ATP8A1: variants seen among roughly 807,000 people sequenced by gnomAD.
ATP8A1 encodes the protein ATPase phospholipid transporting 8A1.
In ATP8A1, 90 loss-of-function variants were observed where a neutral mutation model predicts 177.7. The ratio of observed to expected loss-of-function variants is 0.51; its 90% CI spans 0.43 to 0.60. The LOEUF is 0.60. Among genes scored for constraint, ATP8A1 ranks in the 20% least tolerant of loss-of-function variants. The pLI is 0.00. For synonymous variants in ATP8A1, 493 were observed against 485.9 expected, an observed-to-expected ratio of 1.01 and a Z score of -0.19; for missense variants, 1,072 against 1,392.8, an observed-to-expected ratio of 0.77 and a Z score of 3.67.
At chr4:42,555,239 A>C (rs1262845993) in intron 16 of ATP8A1, among the ~76,000 whole-genome samples, 1 of 151,276 alleles carries the variant, frequency 6.6e-6, no homozygotes, top group Non-Finnish European at 1.5e-5. Flanking sequence ...TAATACAGTC[A>C]GTAACTTCAT....
In ATP8A1 at chr4:42,540,161, G is replaced by A. The variant is rs546794940; in HGVS notation, c.1722+3756C>T. 2.0e-5 allele frequency among the ~76,000 whole-genome samples: 3 copies of A among 152,128 alleles called. No homozygotes were observed. The South Asian group carries it at 6.2e-4, about 32-fold the overall frequency. On this transcript the variant is annotated intron_variant, in intron 20 of 36. Coordinates refer to ENST00000381668, the MANE Select transcript of ATP8A1 (RefSeq NM_006095.2). ...ATTTCTCAAAAGAAGACATACAAAT[G>A]GTCAACAAGTATATGAAAAAAATGC...
At chr4:42,475,273 C>A (rs915901648) in intron 25 of ATP8A1, among the ~76,000 whole-genome samples, 1 of 152,092 alleles carries the variant, frequency 6.6e-6, no homozygotes, top group Non-Finnish European at 1.5e-5. Context: ...TCAAGTGATC[C>A]TCCTGTCTCA....
intron 25 of ATP8A1, among the ~76,000 whole-genome samples, chr4:42,482,925 G>A (rs867920396): frequency 4.6e-5 from 7 of 152,124 alleles, no homozygotes; most frequent in South Asian, 2.1e-4. Flanking sequence ...GAACATAAAC[G>A]AATTTGGGAA....
intron 23 of ATP8A1, 136 bp downstream of exon 23, chr4:42,506,880 T>C: frequency 9.7e-7 from 1 of 1,032,396 alleles, no homozygotes; most frequent in Non-Finnish European, 1.4e-6. Context: ...AGAGATGCAA[T>C]GGTGAAAAAA....
intron 5 of ATP8A1, among the ~76,000 whole-genome samples, chr4:42,609,434 G>A (rs1736152948): frequency 6.6e-6 from 1 of 152,144 alleles, no homozygotes; most frequent in African/African-American, 2.4e-5. Flanking sequence ...TCACAGTCAT[G>A]AGTCCCTCAC....
rs185785296 is a variant in ATP8A1 at position 42,602,923 on chromosome 4, C to T, written c.410-2405G>A. On this transcript the variant is annotated intron_variant, in intron 5 of 36. Transcript: ENST00000381668. ...TCAAATCAACTACACCCAAGATCAACTGACAGAGTGAGTGGGCTATAAGTT... is the reference window on the plus strand; with the variant it reads ...TCAAATCAACTACACCCAAGATCAATTGACAGAGTGAGTGGGCTATAAGTT... 2.1e-3 allele frequency among the ~76,000 whole-genome samples: 320 copies of T among 152,182 alleles called. 4 individuals carry two copies. Among genetic ancestry groups the T allele is most frequent in the Non-Finnish European group, 9.6e-4 (65 of 68,012 alleles).
chr4:42,619,613 C>T (rs1028010933), intron 4 of ATP8A1, among the ~76,000 whole-genome samples: 48 of 148,996 alleles, frequency 3.2e-4, no homozygotes, highest in African/African-American at 1.1e-3. Flanking sequence ...TCTATCTACA[C>T]ATATATATAT....
At chr4:42,605,106 T>C (rs537545594) in intron 5 of ATP8A1, among the ~76,000 whole-genome samples, 2 of 152,370 alleles carry the variant, frequency 1.3e-5, no homozygotes, top group East Asian at 3.9e-4. Flanking sequence ...GATCGGTGCA[T>C]AACCTTGTGA....
chr4:42,643,140 C>A (rs1462702021), intron 1 of ATP8A1, among the ~76,000 whole-genome samples: 1 of 152,174 alleles, frequency 6.6e-6, no homozygotes, highest in African/African-American at 2.4e-5. Flanking sequence ...ATGTAATTAT[C>A]GATCCCAAAC....
chr4:42,545,761 G>A (rs1728843324), intron 19 of ATP8A1, among the ~76,000 whole-genome samples: 1 of 152,136 alleles, frequency 6.6e-6, no homozygotes, highest in African/African-American at 2.4e-5. Context: ...ATCATTTGAG[G>A]TCAGGAGTTC....
At chr4:42,516,120 G>A (rs751929067) in intron 22 of ATP8A1, among the ~76,000 whole-genome samples, 3 of 152,116 alleles carry the variant, frequency 2.0e-5, no homozygotes, top group Non-Finnish European at 2.9e-5. Flanking sequence ...AATATTTATT[G>A]AGTGGTTAAC....
At chr4:42,529,543 G>A (rs1017911809) in intron 20 of ATP8A1, among the ~76,000 whole-genome samples, 13 of 152,226 alleles carry the variant, frequency 8.5e-5, no homozygotes, top group Non-Finnish European at 1.6e-4. Context: ...GAAGGCACAA[G>A]TAAGTTATGT....
At chr4:42,501,195 G>A (rs890160992) in intron 24 of ATP8A1, among the ~76,000 whole-genome samples, 7 of 152,146 alleles carry the variant, frequency 4.6e-5, no homozygotes, top group Non-Finnish European at 8.8e-5. Context: ...AGTAAAAGAT[G>A]AGGAAATAGT....
chr4:42,648,272 G>A (rs1740740914), intron 1 of ATP8A1, among the ~76,000 whole-genome samples: 1 of 151,954 alleles, frequency 6.6e-6, no homozygotes, highest in Non-Finnish European at 1.5e-5. Flanking sequence ...CAAAGCAAAT[G>A]GGACAGCTAA....
chr4:42,539,406 A>C (rs55761270), intron 20 of ATP8A1, among the ~76,000 whole-genome samples: 1 of 117,066 alleles, frequency 8.5e-6, no homozygotes, highest in African/African-American at 2.9e-5. Context: ...CCCCCCCCCC[A>C]ACAAAAACAA....
intron 25 of ATP8A1, 59 bp from the exon 26 acceptor site, chr4:42,465,135 A>T: frequency 6.9e-7 from 1 of 1,453,334 alleles, no homozygotes; most frequent in South Asian, 1.3e-5. Context: ...TTGAAATGCC[A>T]TCGTGTTGAA....
chr4:42,432,866 T>C (rs542187091), intron 33 of ATP8A1, among the ~76,000 whole-genome samples: 2 of 152,350 alleles, frequency 1.3e-5, no homozygotes, highest in African/African-American at 4.8e-5. Context: ...TCTTTCATTT[T>C]AGCTGAAAAA....
intron 33 of ATP8A1, among the ~76,000 whole-genome samples, chr4:42,424,059 AAAC>A (rs1319771335): frequency 6.6e-6 from 1 of 152,156 alleles, no homozygotes; most frequent in Admixed American, 6.5e-5. Context: ...ATACCTACAA[AAAC>A]AACAATTTGA....
intron 5 of ATP8A1, among the ~76,000 whole-genome samples, chr4:42,613,260 A>C (rs1736550351): frequency 6.6e-6 from 1 of 152,238 alleles, no homozygotes; most frequent in South Asian, 2.1e-4. Flanking sequence ...CTATTCTCTT[A>C]GGAAACAAAT....
Sources: allele counts gnomAD v4.1 joint callset (sites outside exome capture counted in the v4.1 genomes callset), GRCh38; gene constraint gnomAD v4.1.1; transcripts MANE v1.5; gene names NCBI Gene and HGNC (gene_info 2026-07-23, HGNC 2026-07-21).